Variants in IREB2 observed in about 807,000 individuals in gnomAD.
The protein encoded by IREB2 is iron-responsive element-binding protein 2.
Under a neutral mutation model 118.8 loss-of-function variants are expected in IREB2, and 39 were observed. That is an observed-to-expected ratio of 0.33 (90% CI 0.25 to 0.43). IREB2 has a LOEUF of 0.43. IREB2 is among the 20% of genes least tolerant of loss of function. IREB2 has a pLI of 1.00. For synonymous variants in IREB2, 372 were observed against 392.2 expected, an observed-to-expected ratio of 0.95 and a Z score of 0.61; for missense variants, 900 against 1,147.3, an observed-to-expected ratio of 0.78 and a Z score of 3.11.
At chr15:78,439,016 C>G (rs1031850794) in intron 1 of IREB2, among the ~76,000 whole-genome samples, 3 of 152,098 alleles carry the variant, frequency 2.0e-5, no homozygotes, top group African/African-American at 4.8e-5. Context: ...GTTGAGGGTC[C>G]TGGCCACCCA....
chr15:78,458,987 ATGGG>A (rs1567167342), intron 2 of IREB2, among the ~76,000 whole-genome samples: 1 of 151,754 alleles, frequency 6.6e-6, no homozygotes, highest in Middle Eastern at 3.2e-3. Context: ...TTTAGTAGAG[ATGGG>A]GTTTCCACCA....
At position 78,501,075 on chromosome 15, in the gene IREB2, T is replaced by C. The variant is rs920892202; in HGVS notation, c.*2932T>C. 2 of 152,222 alleles carry C rather than the reference T, an allele frequency of 1.3e-5. No individual in the cohort carries two copies. The highest frequency in any genetic ancestry group is 2.9e-5 in the Non-Finnish European group (2 of 68,042). The allele number at this position is 152,222 out of a possible 1,614,324, so 9.4% of individuals were successfully genotyped here. A position where few individuals can be genotyped will look rare whatever the true frequency, so the allele number is the denominator to read the frequency against. On this transcript the variant is annotated 3_prime_UTR_variant, in exon 22 of 22. Coordinates refer to ENST00000258886, the MANE Select transcript of IREB2 (RefSeq NM_004136.4). ...TTTTGTCTTTAGGTTTAGGAGGAGATACTAAGATACTGGATGTTTATCCTA... is the reference window on the plus strand; with the variant it reads ...TTTTGTCTTTAGGTTTAGGAGGAGACACTAAGATACTGGATGTTTATCCTA...
chr15:78,437,481 TTA>T (rs1176888705), upstream of IREB2: 2 of 152,308 alleles, frequency 1.3e-5, no homozygotes, highest in Non-Finnish European at 2.9e-5. Context: ...GAAAGTGGAG[TTA>T]TAGCTGGCCT....
chr15:78,446,362 A>G (rs1567162094), intron 2 of IREB2, among the ~76,000 whole-genome samples: 1 of 152,128 alleles, frequency 6.6e-6, no homozygotes, highest in Non-Finnish European at 1.5e-5. Flanking sequence ...GCCAATTTCT[A>G]TTCTAGATTA....
rs79530609 is a variant in IREB2, at chr15:78,490,324, C to T, written c.2077-98C>T. The T allele has an allele frequency of 7.4e-4, 497 of 675,910 alleles. 2 individuals carry two copies. Among genetic ancestry groups the T allele is most frequent in the Non-Finnish European group, 1.1e-3 (427 of 387,478 alleles). The allele number at this position is 675,910 out of a possible 1,614,324, so 41.9% of individuals were successfully genotyped here. ...CCTATTTTTGTTGTTGTTGTTGTGA[C>T]CTAAGTACTATTTTATTCCCTTGAT... On this transcript the variant is annotated intron_variant, in intron 16 of 21. Transcript: ENST00000258886.
chr15:78,447,817 G>A (rs2050956651), intron 2 of IREB2, among the ~76,000 whole-genome samples: 3 of 152,068 alleles, frequency 2.0e-5, no homozygotes, highest in African/African-American at 7.2e-5. Context: ...TTCTCCCTAA[G>A]TCAAGTTCAA....
chr15:78,487,546 C>T (rs1398759433), intron 13 of IREB2, among the ~76,000 whole-genome samples, 187 bp from the exon 14 acceptor site: 2 of 152,184 alleles, frequency 1.3e-5, no homozygotes, highest in Non-Finnish European at 2.9e-5. Flanking sequence ...GTTCAAATAG[C>T]ATGCCTGAGA....
chr15:78,449,739 G>A (rs2050991619), intron 2 of IREB2, among the ~76,000 whole-genome samples: 1 of 152,196 alleles, frequency 6.6e-6, no homozygotes. Flanking sequence ...AGAATCTGCA[G>A]TCTTGGGAGC....
chr15:78,479,461 C>G (rs1466440110), intron 10 of IREB2, among the ~76,000 whole-genome samples: 1 of 147,390 alleles, frequency 6.8e-6, no homozygotes, highest in Non-Finnish European at 1.5e-5. Flanking sequence ...GTCTTAAACT[C>G]CTGGCCTCAA....
intron 16 of IREB2, among the ~76,000 whole-genome samples, chr15:78,490,200 C>T (rs1444574152): frequency 6.6e-6 from 1 of 152,038 alleles, no homozygotes; most frequent in Non-Finnish European, 1.5e-5. Flanking sequence ...ATCGCTTGAG[C>T]TCAGGAGTTT....
In IREB2 at chr15:78,438,266, G is replaced by GCCCGGCCTCCCCCT; in HGVS notation, c.-72_-71insCCCGGCCTCCCCCT. On this transcript the variant is annotated 5_prime_UTR_variant, in exon 1 of 22. Transcript: ENST00000258886. ...TGCCAGTCCGCCTGTCTTCCTCCCC[G>GCCCGGCCTCCCCCT]TCTTCCCTGCCCGGCCTCCCCCTTC... 8.2e-7 allele frequency: 1 copy of GCCCGGCCTCCCCCT among 1,220,266 alleles called. No homozygotes were observed. Among genetic ancestry groups the GCCCGGCCTCCCCCT allele is most frequent in the East Asian group, 2.5e-5 (1 of 39,986 alleles). The allele number at this position is 1,220,266 out of a possible 1,614,324, so 75.6% of individuals were successfully genotyped here.
chr15:78,446,272 A>G (rs2050927606), intron 2 of IREB2, among the ~76,000 whole-genome samples: 1 of 152,166 alleles, frequency 6.6e-6, no homozygotes, highest in Admixed American at 6.5e-5. Context: ...TCCAAGGATT[A>G]CCTTTACCTA....
intron 16 of IREB2, among the ~76,000 whole-genome samples, chr15:78,489,696 TAAAATAA>T (rs1442280071): frequency 6.6e-5 from 10 of 151,808 alleles, no homozygotes; most frequent in Non-Finnish European, 1.0e-4. Flanking sequence ...TTATTTTTTG[TAAAATAA>T]AAAATAAAAA....
intron 9 of IREB2, 82 bp from the exon 10 acceptor site, chr15:78,478,214 AC>A: frequency 1.1e-6 from 1 of 922,914 alleles, no homozygotes. Flanking sequence ...AGCCTGGGCA[AC>A]AAAGTGAAAC....
chr15:78,466,075 A>C (rs1040934321), intron 4 of IREB2, among the ~76,000 whole-genome samples, 196 bp from the exon 5 acceptor site: 5 of 152,130 alleles, frequency 3.3e-5, no homozygotes, highest in African/African-American at 1.2e-4. Flanking sequence ...CATTTCTGTA[A>C]ATTTAAATGA....
intron 3 of IREB2, 104 bp downstream of exon 3, chr15:78,463,191 T>A: frequency 1.0e-6 from 1 of 971,704 alleles, no homozygotes; most frequent in Non-Finnish European, 1.5e-6. Flanking sequence ...CTAATCCCAG[T>A]ACTTTGGGAG....
At chr15:78,497,348 CAA>C (rs751590847) in intron 21 of IREB2, 37 bp downstream of exon 21, 2 of 1,369,322 alleles carry the variant, frequency 1.5e-6, no homozygotes, top group African/African-American at 2.9e-5. Flanking sequence ...ATTATGCACT[CAA>C]ATGTTTATGA....
In IREB2 at chr15:78,494,234, A is replaced by G. The variant is rs752679945; in HGVS notation, c.2565A>G (p.Arg855=). The change falls in exon 20 of 22, where the codon AGA becomes AGG. Residue 855 remains arginine (R), a synonymous_variant. Transcript: ENST00000258886. ...AGAAATATGGTTCAGGAAACTCCAGAGACTGGGCTGCCAAAGGACCGTATT... is the reference window on the plus strand; with the variant it reads ...AGAAATATGGTTCAGGAAACTCCAGGGACTGGGCTGCCAAAGGACCGTATT... ...AGKKYGSGNS[R]DWAAKGPYLL... is the part of the protein sequence containing the mutation. The G allele has an allele frequency of 9.3e-6, 15 of 1,613,990 alleles. No individual in the cohort carries two copies. The highest frequency in any genetic ancestry group is 1.2e-5 in the Non-Finnish European group (14 of 1,179,974).
intron 2 of IREB2, among the ~76,000 whole-genome samples, chr15:78,458,488 C>T (rs1258294067): frequency 6.6e-6 from 1 of 152,066 alleles, no homozygotes; most frequent in Non-Finnish European, 1.5e-5. Flanking sequence ...GTTGGCCAGG[C>T]TAGTCTCAAA....
Sources: allele counts gnomAD v4.1 joint callset (sites outside exome capture counted in the v4.1 genomes callset), GRCh38; gene constraint gnomAD v4.1.1; transcripts MANE v1.5; gene names NCBI Gene and HGNC (gene_info 2026-07-23, HGNC 2026-07-21).